The following KICS2 variants were observed in gnomAD, a reference collection of about 807,000 sequenced individuals.
The protein encoded by KICS2 is KICSTOR subunit 2.
In KICS2, 13 loss-of-function variants were observed where a neutral mutation model predicts 31.4. The observed-to-expected ratio is 0.41, with a 90% CI of 0.27 to 0.66. The LOEUF is 0.66. Among genes scored for constraint, KICS2 ranks in the 30% least tolerant of loss-of-function variants. The pLI, the probability that KICS2 is intolerant of heterozygous loss-of-function variation, is 0.28. For missense variants in KICS2, 455 were observed against 545.4 expected (o/e 0.83, Z 1.65); for synonymous variants, 209 against 214.8 (o/e 0.97, Z 0.24).
In KICS2 at chr12:64,194,459, A is replaced by G; in HGVS notation, c.721T>C (p.Phe241Leu). 1 of 1,614,172 alleles carries G rather than the reference A, an allele frequency of 6.2e-7. No individual in the cohort carries two copies. Among genetic ancestry groups the G allele is most frequent in the Non-Finnish European group, 8.5e-7 (1 of 1,180,036 alleles). The change falls in exon 3 of 3, where the codon TTT becomes CTT. Residue 241 changes from phenylalanine (F) to leucine (L), a missense_variant. Transcript: ENST00000398055. ...ACGGCCTTCTGAGACTGCCCTCCAA[A>G]CAGATGTTTCTTGGTCTCCCGCTGT... is the stretch of plus-strand genomic sequence containing the variant. Reference protein sequence around the residue: ...EKQRETKKHLFGGQSQKAVQP... With the variant: ...EKQRETKKHLLGGQSQKAVQP...
At chr12:64,209,354 C>T (rs927999361) in intron 2 of KICS2, among the ~76,000 whole-genome samples, 8 of 151,880 alleles carry the variant, frequency 5.3e-5, no homozygotes, top group Admixed American at 4.6e-4. Flanking sequence ...GGATGCTAAG[C>T]GGGGTTGATC....
At chr12:64,203,686 A>G (rs2037511309) in intron 2 of KICS2, among the ~76,000 whole-genome samples, 1 of 152,184 alleles carries the variant, frequency 6.6e-6, no homozygotes, top group Non-Finnish European at 1.5e-5. Flanking sequence ...TCACAAGTGT[A>G]TCTAGAATTT....
chr12:64,199,326 A>G (rs1277005547), intron 2 of KICS2, among the ~76,000 whole-genome samples: 2 of 76,294 alleles, frequency 2.6e-5, no homozygotes, highest in Non-Finnish European at 5.4e-5. Context: ...GTAATCCAGC[A>G]TATAAACAGA....
chr12:64,211,238 T>C (rs953449717), intron 2 of KICS2, among the ~76,000 whole-genome samples: 1 of 152,176 alleles, frequency 6.6e-6, no homozygotes, highest in Non-Finnish European at 1.5e-5. Flanking sequence ...AAAAGAATAC[T>C]TCCAAAAATA....
At chr12:64,208,082 T>C (rs1026629714) in intron 2 of KICS2, among the ~76,000 whole-genome samples, 10 of 152,212 alleles carry the variant, frequency 6.6e-5, no homozygotes, top group Non-Finnish European at 1.0e-4. Flanking sequence ...CGATCTCAGC[T>C]CAATGCAGCC....
intron 2 of KICS2, among the ~76,000 whole-genome samples, chr12:64,201,151 C>T (rs368168730): frequency 1.3e-5 from 2 of 148,294 alleles, no homozygotes; most frequent in African/African-American, 5.1e-5. Context: ...AAGACATATG[C>T]ACACGTATGT....
intron 2 of KICS2, among the ~76,000 whole-genome samples, chr12:64,213,661 C>G (rs1189297334): frequency 6.6e-6 from 1 of 152,136 alleles, no homozygotes; most frequent in African/African-American, 2.4e-5. Flanking sequence ...CTGTATGAGT[C>G]TACTTCCAAG....
rs188114016 is a variant in KICS2 at position 64,193,904 on chromosome 12, C to T, written c.1276G>A (p.Val426Ile). 4 of 1,614,002 alleles carry T rather than the reference C, an allele frequency of 2.5e-6. No individual in the cohort carries two copies. In the African/African-American group the frequency reaches 5.3e-5, roughly 22 times the overall value. ...DSHFISFLNE[V>I]SLALKNPKVF... Reference sequence around the variant, plus strand: ...TTGGGGTTCTTAAGGGCAAGTGAGACCTCATTGAGGAAGGAAATAAAGTGG... The same window carrying T: ...TTGGGGTTCTTAAGGGCAAGTGAGATCTCATTGAGGAAGGAAATAAAGTGG... Residue 426 changes from valine (V) to isoleucine (I), a missense_variant, in exon 3 of 3, where the codon GTC becomes ATC. Physicochemically the swap from Val to Ile is conservative, Grantham distance 29 (BLOSUM62 3). Transcript: ENST00000398055.
intron 1 of KICS2, among the ~76,000 whole-genome samples, chr12:64,217,930 A>G (rs2037645322): frequency 6.6e-6 from 1 of 152,120 alleles, no homozygotes; most frequent in Non-Finnish European, 1.5e-5. Flanking sequence ...GGAAGGAAGG[A>G]AGAAAGAAAG....
chr12:64,193,904 C>G lies in KICS2; in HGVS notation c.1276G>C (p.Val426Leu), dbSNP rs188114016. ...DSHFISFLNE[V>L]SLALKNPKVF... ...TTGGGGTTCTTAAGGGCAAGTGAGACCTCATTGAGGAAGGAAATAAAGTGG... is the reference window on the plus strand; with the variant it reads ...TTGGGGTTCTTAAGGGCAAGTGAGAGCTCATTGAGGAAGGAAATAAAGTGG... The change falls in exon 3 of 3, where the codon GTC becomes CTC. Residue 426 changes from valine to leucine, a missense_variant. Coordinates refer to ENST00000398055, the MANE Select transcript of KICS2 (RefSeq NM_152440.5). The G allele has an allele frequency of 1.8e-3, 2,836 of 1,614,120 alleles. 38 individuals are homozygous for G. In the African/African-American group the frequency reaches 0.028, roughly 16 times the overall value.
downstream of KICS2, among the ~76,000 whole-genome samples, chr12:64,188,389 TG>T (rs1166657024): frequency 6.6e-6 from 1 of 152,116 alleles, no homozygotes. Context: ...CCGGGCATGG[TG>T]GCGCATGCCT....
chr12:64,211,164 T>A (rs1362810633), intron 2 of KICS2, among the ~76,000 whole-genome samples: 2 of 152,162 alleles, frequency 1.3e-5, no homozygotes, highest in African/African-American at 2.4e-5. Flanking sequence ...TGTACTTCAG[T>A]TTTGGGGTTT....
intron 2 of KICS2, among the ~76,000 whole-genome samples, chr12:64,196,905 G>T (rs1348929653): frequency 2.0e-5 from 3 of 149,512 alleles, no homozygotes; most frequent in Non-Finnish European, 4.4e-5. Flanking sequence ...AGAGAAAAAC[G>T]AATAAAAAGA....
intron 2 of KICS2, among the ~76,000 whole-genome samples, chr12:64,210,632 C>G (rs546964688): frequency 1.3e-5 from 2 of 152,082 alleles, no homozygotes; most frequent in Admixed American, 6.6e-5. Flanking sequence ...AAATAATTAT[C>G]CAGGGATGGT....
downstream of KICS2, chr12:64,187,048 G>A (rs1189422800): frequency 1.3e-5 from 2 of 152,572 alleles, no homozygotes; most frequent in Admixed American, 6.5e-5. Flanking sequence ...TCAACCGGCT[G>A]AGTCATAAAT....
At chr12:64,203,547 T>C (rs12581277) in intron 2 of KICS2, among the ~76,000 whole-genome samples, 10,262 of 152,276 alleles carry the variant, frequency 0.067, 663 homozygotes, top group East Asian at 0.38. Context: ...CTATGGTAGA[T>C]GATCTACAGG....
At position 64,192,530 on chromosome 12, in the gene KICS2, TG is replaced by T; in HGVS notation, c.*1311del. On this transcript the variant is annotated 3_prime_UTR_variant, in exon 3 of 3. Coordinates refer to ENST00000398055, the MANE Select transcript of KICS2 (RefSeq NM_152440.5). ...GCTGATGTTGCTGGCATACCTGCTG[TG>T]GACACCCAGTAAAACAGTGGCTCCA... 1.1e-6 allele frequency: 1 copy of T among 870,034 alleles called. No homozygotes were observed. The highest frequency in any genetic ancestry group is 1.4e-6 in the Non-Finnish European group (1 of 724,834). 53.9% of individuals were successfully genotyped at this position (870,034 alleles called of 1,614,324 possible).
intron 2 of KICS2, among the ~76,000 whole-genome samples, chr12:64,195,559 A>C (rs2037426182): frequency 6.6e-6 from 1 of 152,190 alleles, no homozygotes; most frequent in Non-Finnish European, 1.5e-5. Context: ...CCTTCATATT[A>C]ATTATAGTTA....
chr12:64,217,655 G>C (rs1409701913), intron 1 of KICS2, among the ~76,000 whole-genome samples: 1 of 151,988 alleles, frequency 6.6e-6, no homozygotes, highest in Non-Finnish European at 1.5e-5. Flanking sequence ...AAAACAATTA[G>C]CCAGGCATGG....
Sources: gnomAD v4.1 joint callset for allele counts (sites outside exome capture counted in the v4.1 genomes callset) on GRCh38, gnomAD v4.1.1 for gene constraint, MANE v1.5 for transcripts, NCBI Gene and HGNC (gene_info 2026-07-23, HGNC 2026-07-21) for gene names.